The following RASGEF1A variants were observed in gnomAD, a reference collection of about 807,000 sequenced individuals.
RASGEF1A encodes RasGEF domain family member 1A.
A neutral mutation model predicts 56.4 loss-of-function variants in RASGEF1A; 18 were observed. The observed-to-expected ratio is 0.32, with a 90% confidence interval of 0.22 to 0.47. RASGEF1A has a LOEUF of 0.47. Ranked by LOEUF, RASGEF1A falls within the 20% of genes least tolerant of loss-of-function variation. The pLI, the probability that RASGEF1A is intolerant of heterozygous loss-of-function variation, is 1.00. For missense variants in RASGEF1A, 422 were observed against 627.1 expected, an observed-to-expected ratio of 0.67 and a Z score of 3.49; for synonymous variants, 245 against 242.6, an observed-to-expected ratio of 1.01 and a Z score of -0.09.
At chr10:43,218,321 AG>A (rs757088639) in intron 1 of RASGEF1A, among the ~76,000 whole-genome samples, 3 of 152,208 alleles carry the variant, frequency 2.0e-5, no homozygotes, top group Non-Finnish European at 2.9e-5. Context: ...GCAACAAGTG[AG>A]GAGAAGCTGC....
intron 1 of RASGEF1A, among the ~76,000 whole-genome samples, chr10:43,260,106 G>A (rs573317157): frequency 6.6e-6 from 1 of 152,318 alleles, no homozygotes; most frequent in African/African-American, 2.4e-5. Flanking sequence ...GGCACATTAA[G>A]TCACATGTCA....
intron 1 of RASGEF1A, among the ~76,000 whole-genome samples, chr10:43,229,109 G>A (rs1353364292): frequency 6.6e-6 from 1 of 152,242 alleles, no homozygotes; most frequent in Non-Finnish European, 1.5e-5. Flanking sequence ...CCCTCGCCCT[G>A]GAGCGCACAC....
chr10:43,241,244 A>G (rs1840494711), intron 1 of RASGEF1A, among the ~76,000 whole-genome samples: 2 of 152,204 alleles, frequency 1.3e-5, no homozygotes, highest in African/African-American at 2.4e-5. Context: ...TTTTTCTCCT[A>G]TTTGAATTAA....
At chr10:43,223,608 A>G (rs1030349638) in intron 1 of RASGEF1A, among the ~76,000 whole-genome samples, 2 of 152,250 alleles carry the variant, frequency 1.3e-5, no homozygotes, top group Non-Finnish European at 2.9e-5. Context: ...AGAAACTACT[A>G]AAAAGCAAAT....
chr10:43,229,594 A>T, intron 1 of RASGEF1A: 1 of 1,451,748 alleles, frequency 6.9e-7, no homozygotes, highest in Non-Finnish European at 9.2e-7. Flanking sequence ...CAGCGCAAGA[A>T]CCCTGCCCCG....
chr10:43,233,990 A>G (rs2133213020), intron 1 of RASGEF1A, among the ~76,000 whole-genome samples: 1 of 152,266 alleles, frequency 6.6e-6, no homozygotes, highest in East Asian at 1.9e-4. Context: ...CCAGGCACAA[A>G]GAGCATCTAA....
chr10:43,204,214 G>A (rs971696149), intron 2 of RASGEF1A, among the ~76,000 whole-genome samples: 20 of 152,188 alleles, frequency 1.3e-4, no homozygotes, highest in African/African-American at 4.8e-4. Context: ...TCTGCCCCAC[G>A]TGGCTGCTGC....
rs181464916 is a variant in RASGEF1A, at chr10:43,263,791, G to A, written c.-7+3054C>T. On this transcript the variant is annotated intron_variant, in intron 1 of 12. Transcript: ENST00000395810. ...CTGAGTTGTGCCCAAAGGCACCCATGTGCTTCCTGGGAGGTGCTGCAGCAG... is the reference window on the plus strand; with the variant it reads ...CTGAGTTGTGCCCAAAGGCACCCATATGCTTCCTGGGAGGTGCTGCAGCAG... 9.2e-5 allele frequency among the ~76,000 whole-genome samples: 14 copies of A among 152,300 alleles called. No homozygotes were observed. In the East Asian group the frequency reaches 2.7e-3, roughly 30 times the overall value.
chr10:43,258,640 G>C (rs938717026), intron 1 of RASGEF1A, among the ~76,000 whole-genome samples: 1 of 152,232 alleles, frequency 6.6e-6, no homozygotes, highest in African/African-American at 2.4e-5. Context: ...TAGCAGGCTT[G>C]GGTGAGCTAC....
At chr10:43,257,599 C>T (rs754461221) in intron 1 of RASGEF1A, among the ~76,000 whole-genome samples, 1 of 152,172 alleles carries the variant, frequency 6.6e-6, no homozygotes. Context: ...CCTGCGCTTC[C>T]CCCGGGCCTC....
chr10:43,198,814 T>C (rs1839842364), intron 9 of RASGEF1A, 119 bp downstream of exon 9: 2 of 895,064 alleles, frequency 2.2e-6, no homozygotes, highest in Non-Finnish European at 3.7e-6. Context: ...GCCAGCACTG[T>C]AGGTGCTAGC....
At chr10:43,242,691 CTT>C (rs1278458087) in intron 1 of RASGEF1A, among the ~76,000 whole-genome samples, 1 of 152,200 alleles carries the variant, frequency 6.6e-6, no homozygotes, top group Non-Finnish European at 1.5e-5. Context: ...CGCCGCCACT[CTT>C]GACTGGTTTT....
chr10:43,218,838 G>T (rs1840170541), intron 1 of RASGEF1A, among the ~76,000 whole-genome samples: 1 of 152,270 alleles, frequency 6.6e-6, no homozygotes, highest in South Asian at 2.1e-4. Flanking sequence ...GATAATTAAA[G>T]CTTTGTTACA....
At chr10:43,207,743 C>T in intron 1 of RASGEF1A, 1 of 978,078 alleles carries the variant, frequency 1.0e-6, no homozygotes, top group Non-Finnish European at 1.2e-6. Flanking sequence ...GGCCTAGCCC[C>T]AGACCTGCTG....
chr10:43,238,548 C>T (rs773566345), intron 1 of RASGEF1A, among the ~76,000 whole-genome samples: 17 of 152,364 alleles, frequency 1.1e-4, no homozygotes, highest in Non-Finnish European at 2.4e-4. Context: ...ACATACACTC[C>T]TGCAACTCTG....
rs1029936459 is a variant in RASGEF1A, at chr10:43,221,428, C to G, written c.-6-15306G>C. On this transcript the variant is annotated intron_variant, in intron 1 of 12. Coordinates refer to ENST00000395810, the MANE Select transcript of RASGEF1A (RefSeq NM_145313.4). ...CAGGGTGGCCCTCCTGCTGCTCCCCCCTTCTCCAGATGAAGGAACAGAGGC... is the reference window on the plus strand; with the variant it reads ...CAGGGTGGCCCTCCTGCTGCTCCCCGCTTCTCCAGATGAAGGAACAGAGGC... Among the ~76,000 whole-genome samples the G allele has an allele frequency of 1.7e-4, 26 of 152,320 alleles. No homozygotes were observed. The East Asian group carries it at 3.5e-3, about 20-fold the overall frequency.
chr10:43,212,606 G>A (rs1034894015), intron 1 of RASGEF1A, among the ~76,000 whole-genome samples: 4 of 152,244 alleles, frequency 2.6e-5, no homozygotes, highest in African/African-American at 9.6e-5. Flanking sequence ...GGGGTGGCAG[G>A]GAGACACATG....
chr10:43,216,929 G>A (rs1320289048), intron 1 of RASGEF1A, among the ~76,000 whole-genome samples: 1 of 152,096 alleles, frequency 6.6e-6, no homozygotes, highest in African/African-American at 2.4e-5. Context: ...AGGCAGCTGC[G>A]CCTCCTTTGC....
rs369953909 is a variant in RASGEF1A, at chr10:43,255,277, G to T, written c.-7+11568C>A. ...CACACCACCTAGGCCAAGCCGCCCA[G>T]CCCTGCCCGCCTAGGCTGCCCACTC... On this transcript the variant is annotated intron_variant, in intron 1 of 12. Transcript: ENST00000395810. Among the ~76,000 whole-genome samples the T allele has an allele frequency of 3.3e-5, 5 of 152,166 alleles. No homozygotes were observed. In the East Asian group the frequency reaches 9.6e-4, roughly 29 times the overall value.
Sources: gnomAD v4.1 joint callset for allele counts (sites outside exome capture counted in the v4.1 genomes callset) on GRCh38, gnomAD v4.1.1 for gene constraint, MANE v1.5 for transcripts, NCBI Gene and HGNC (gene_info 2026-07-23, HGNC 2026-07-21) for gene names.